The following WDTC1 variants were observed in gnomAD, a reference collection of about 807,000 sequenced individuals.
WDTC1 encodes the protein WD and tetratricopeptide repeats protein 1.
A neutral mutation model predicts 76.0 loss-of-function variants in WDTC1; 12 were observed. The observed-to-expected ratio is 0.16, with a 90% CI of 0.10 to 0.26. The LOEUF is 0.26. Among genes scored for constraint, WDTC1 ranks in the 10% least tolerant of loss-of-function variants. WDTC1 has a pLI of 1.00. For missense variants in WDTC1, 511 were observed against 908.8 expected (o/e 0.56, Z 5.63); for synonymous variants, 326 against 350.8 (o/e 0.93, Z 0.79).
At chr1:27,243,626 C>G (rs1045171026) in intron 1 of WDTC1, among the ~76,000 whole-genome samples, 2 of 152,090 alleles carry the variant, frequency 1.3e-5, no homozygotes, top group African/African-American at 4.8e-5. Flanking sequence ...TGCCTCAGAT[C>G]CTGCATCTGT....
At chr1:27,251,198 T>A (rs1238423976) in intron 1 of WDTC1, among the ~76,000 whole-genome samples, 2 of 151,626 alleles carry the variant, frequency 1.3e-5, no homozygotes, top group Non-Finnish European at 2.9e-5. Context: ...GCCAGACTTC[T>A]ATTTTCTTGT....
At chr1:27,294,352 A>G (rs2013624946) in intron 8 of WDTC1, among the ~76,000 whole-genome samples, 162 bp from the exon 9 acceptor site, 2 of 152,250 alleles carry the variant, frequency 1.3e-5, no homozygotes, top group Non-Finnish European at 2.9e-5. Flanking sequence ...GAGATAAAAT[A>G]TATAAAGCAA....
At chr1:27,247,576 A>G (rs1319852753) in intron 1 of WDTC1, among the ~76,000 whole-genome samples, 2 of 152,002 alleles carry the variant, frequency 1.3e-5, no homozygotes. Context: ...AGAACATGCC[A>G]TATTTGGTTT....
chr1:27,269,745 G>A (rs1254056594), intron 3 of WDTC1, among the ~76,000 whole-genome samples: 5 of 150,794 alleles, frequency 3.3e-5, no homozygotes, highest in African/African-American at 1.2e-4. Flanking sequence ...CTGAGTAGCT[G>A]GGACTACAGG....
In WDTC1 at chr1:27,305,727, T is replaced by TA. The variant is rs2013939684; in HGVS notation, c.1837-458dup. On this transcript the variant is annotated intron_variant, in intron 15 of 15. Transcript: ENST00000319394. The surrounding 1 kb of genome is among the most constrained non-coding windows in gnomAD (Gnocchi z 4.6). ...AGCTGGCAAAACAAAAGTCAAGTGGTATGTCTGATTCCCAAGATAATTTGC... is the reference window on the plus strand; with the variant it reads ...AGCTGGCAAAACAAAAGTCAAGTGGTAATGTCTGATTCCCAAGATAATTTGC... 6.6e-6 allele frequency among the ~76,000 whole-genome samples: 1 copy of TA among 152,068 alleles called. No individual in the cohort carries two copies. The highest frequency in any genetic ancestry group is 2.1e-4 in the South Asian group (1 of 4,824).
At chr1:27,238,857 G>A (rs1336008740) in intron 1 of WDTC1, among the ~76,000 whole-genome samples, 1 of 151,526 alleles carries the variant, frequency 6.6e-6, no homozygotes, top group Non-Finnish European at 1.5e-5. Flanking sequence ...GAGACACCGC[G>A]CCCAGCCCCG....
At position 27,274,401 on chromosome 1, in the gene WDTC1, AT is replaced by A. The variant is rs769016767; in HGVS notation, c.133-7835del. The stretch of plus-strand genomic sequence containing the variant: ...CCATACTTTGGCAGTCAGGAGAATC[AT>A]TTGAGGCCAGGAGTTTGAGACCAGC... On this transcript the variant is annotated intron_variant, in intron 3 of 15. Coordinates refer to ENST00000319394, the MANE Select transcript of WDTC1 (RefSeq NM_001276252.2). This position sits in a 1 kb window ranked among gnomAD's most constrained non-coding sequence, Gnocchi z 4.2. 2.7e-5 allele frequency among the ~76,000 whole-genome samples: 4 copies of A among 150,494 alleles called. No homozygotes were observed. Among genetic ancestry groups the A allele is most frequent in the Admixed American group, 6.6e-5 (1 of 15,120 alleles).
chr1:27,286,662 C>T (rs1231924445), intron 5 of WDTC1, among the ~76,000 whole-genome samples: 1 of 150,984 alleles, frequency 6.6e-6, no homozygotes, highest in Admixed American at 6.6e-5. Flanking sequence ...CGGGGTTTCA[C>T]CGTGTTAGCC....
At chr1:27,256,580 G>T (rs763335670) in intron 1 of WDTC1, among the ~76,000 whole-genome samples, 4 of 152,306 alleles carry the variant, frequency 2.6e-5, no homozygotes, top group Non-Finnish European at 5.9e-5. Context: ...ACCAGTTATT[G>T]TCACTTCAAC....
upstream of WDTC1, chr1:27,234,581 G>A: frequency 2.6e-6 from 1 of 390,428 alleles, no homozygotes. Context: ...GTACCCGCCG[G>A]CTGCGAGGCG....
At chr1:27,236,914 C>T (rs928039200) in intron 1 of WDTC1, among the ~76,000 whole-genome samples, 2 of 152,204 alleles carry the variant, frequency 1.3e-5, no homozygotes, top group African/African-American at 2.4e-5. Context: ...TCTCAGCTCA[C>T]TGCAACCTCA....
chr1:27,287,308 CTT>C (rs751028915), intron 5 of WDTC1, among the ~76,000 whole-genome samples: 3 of 152,176 alleles, frequency 2.0e-5, no homozygotes, highest in Admixed American at 6.5e-5. Context: ...GTCAGACAGA[CTT>C]GGGCTTGAAC....
chr1:27,296,940 TCCCAC>T, intron 10 of WDTC1, 103 bp from the exon 11 acceptor site: 2 of 967,084 alleles, frequency 2.1e-6, no homozygotes, highest in Non-Finnish European at 3.2e-6. Context: ...GGGAGAACAG[TCCCAC>T]GATGGAACCA....
Position 27,303,815 on chromosome 1 carries a change from A to C in WDTC1, c.1643+20A>C, listed in dbSNP as rs1201357701. 4 of 1,613,564 alleles carry C rather than the reference A, an allele frequency of 2.5e-6. No individual in the cohort carries two copies. The South Asian group carries it at 3.3e-5, about 13-fold the overall frequency. ...TGGCAGGTCCGAGGCCCTGAAGAGG[A>C]GGGTGCAGCCCAGTTGGCAGCGGGA... On this transcript the variant is annotated intron_variant, in intron 14 of 15. Transcript: ENST00000319394. This position sits in a 1 kb window ranked among gnomAD's most constrained non-coding sequence, Gnocchi z 4.8.
Position 27,297,922 on chromosome 1 carries a change from T to C in WDTC1, c.1059-16T>C, listed in dbSNP as rs2013735657. On this transcript the variant is annotated splice_polypyrimidine_tract_variant and intron_variant, in intron 11 of 15. Coordinates refer to ENST00000319394, the MANE Select transcript of WDTC1 (RefSeq NM_001276252.2). ...CCTTCTTTGACTGTTCTGACTTGGCTCTATTTCCCCTGCAGCCCCCAAGTA... is the reference window on the plus strand; with the variant it reads ...CCTTCTTTGACTGTTCTGACTTGGCCCTATTTCCCCTGCAGCCCCCAAGTA... The C allele has an allele frequency of 6.2e-7, 1 of 1,601,442 alleles. No homozygotes were observed. Among genetic ancestry groups the C allele is most frequent in the Non-Finnish European group, 8.5e-7 (1 of 1,171,778 alleles).
chr1:27,253,412 C>CCCCTT, intron 1 of WDTC1, among the ~76,000 whole-genome samples: 1 of 59,098 alleles, frequency 1.7e-5, no homozygotes, highest in Non-Finnish European at 3.3e-5. Flanking sequence ...CCCCTCCCCT[C>CCCCTT]CTCCTCCTCC....
At chr1:27,286,468 T>C (rs1267874469) in intron 5 of WDTC1, among the ~76,000 whole-genome samples, 13 of 120,450 alleles carry the variant, frequency 1.1e-4, no homozygotes, top group African/African-American at 4.6e-4. Context: ...GATTATTTCC[T>C]TTTTTTTTTT....
In WDTC1 at chr1:27,307,669, G is replaced by A. The variant is rs2013989624; in HGVS notation, c.*1286G>A. On this transcript the variant is annotated 3_prime_UTR_variant, in exon 16 of 16. Transcript: ENST00000319394. This position sits in a 1 kb window ranked among gnomAD's most constrained non-coding sequence, Gnocchi z 4.1. The stretch of plus-strand genomic sequence containing the variant: ...GGTGCCTCCTCTCAGTCAGGCTTCA[G>A]AGCAGCCCTGGAGACAGGAGGGCCA... The A allele has an allele frequency of 6.5e-6, 1 of 152,856 alleles. No homozygotes were observed. The highest frequency in any genetic ancestry group is 1.5e-5 in the Non-Finnish European group (1 of 68,246). The allele number at this position is 152,856 out of a possible 1,614,324, so 9.5% of individuals were successfully genotyped here. A position where few individuals can be genotyped will look rare whatever the true frequency, so the allele number is the denominator to read the frequency against.
At chr1:27,238,869 C>T (rs1327803448) in intron 1 of WDTC1, among the ~76,000 whole-genome samples, 1 of 149,786 alleles carries the variant, frequency 6.7e-6, no homozygotes, top group Non-Finnish European at 1.5e-5. Context: ...CCAGCCCCGG[C>T]TAATTTTTTT....
Sources: allele counts gnomAD v4.1 joint callset (sites outside exome capture counted in the v4.1 genomes callset), GRCh38; gene constraint gnomAD v4.1.1; non-coding constraint Gnocchi (gnomAD v3.1); transcripts MANE v1.5; gene names NCBI Gene and HGNC (gene_info 2026-07-23, HGNC 2026-07-21).